RANBP2: variants seen among roughly 807,000 people sequenced by gnomAD.
The protein encoded by RANBP2 is E3 SUMO-protein ligase RanBP2.
RANBP2 carries 57 observed loss-of-function variants against 303.6 expected under a neutral mutation model. The ratio of observed to expected loss-of-function variants is 0.19; its 90% CI spans 0.15 to 0.23. The LOEUF is 0.23. Among genes scored for constraint, RANBP2 ranks in the 10% least tolerant of loss-of-function variants. The probability of loss-of-function intolerance (pLI) is 1.00; values close to 1 mark genes in which losing one functional copy is unlikely to be tolerated. For missense variants in RANBP2, 3,138 were observed against 3,780.8 expected (o/e 0.83, Z 4.46); for synonymous variants, 1,167 against 1,301.5 (o/e 0.90, Z 2.23).
At chr2:109,473,759 C>T in the RANBP2 span, among the ~76,000 whole-genome samples, 1 of 149,310 alleles carries the variant, frequency 6.7e-6, no homozygotes, top group Non-Finnish European at 1.5e-5. Flanking sequence ...AGGCTACCTC[C>T]TCCCCTGTAA....
the RANBP2 span, among the ~76,000 whole-genome samples, chr2:109,194,707 C>G: frequency 1.3e-5 from 2 of 152,160 alleles, no homozygotes; most frequent in Non-Finnish European, 2.9e-5. Context: ...GAGCTTCATT[C>G]CCTCCACCCT....
the RANBP2 span, among the ~76,000 whole-genome samples, chr2:109,099,235 G>A: frequency 2.6e-5 from 4 of 152,140 alleles, no homozygotes; most frequent in African/African-American, 7.2e-5. Flanking sequence ...CACTTTGGGC[G>A]GAGACTTAAC....
At chr2:108,975,854 A>G in the RANBP2 span, among the ~76,000 whole-genome samples, 1 of 152,074 alleles carries the variant, frequency 6.6e-6, no homozygotes, top group African/African-American at 2.4e-5. Flanking sequence ...CAACTGCTGG[A>G]CGGCGTTCTG....
the RANBP2 span, chr2:109,347,758 A>G: frequency 1.9e-6 from 3 of 1,613,998 alleles, no homozygotes; most frequent in Admixed American, 1.7e-5. Context: ...CAAGGGGGAC[A>G]TCATCGTCCT....
the RANBP2 span, among the ~76,000 whole-genome samples, chr2:109,763,580 G>T: frequency 6.7e-6 from 1 of 149,858 alleles, no homozygotes; most frequent in South Asian, 2.2e-4. Context: ...AAGAGAGAGA[G>T]CCCTAAATGG....
chr2:109,013,012 C>G, the RANBP2 span, among the ~76,000 whole-genome samples: 1 of 152,186 alleles, frequency 6.6e-6, no homozygotes, highest in South Asian at 2.1e-4. Context: ...TTTAAAGGGC[C>G]GAGTAGGGCG....
chr2:108,837,334 C>A, the RANBP2 span, among the ~76,000 whole-genome samples: 1 of 152,104 alleles, frequency 6.6e-6, no homozygotes. Flanking sequence ...TGGTATATTA[C>A]ACCAGTTTTT....
chr2:109,545,969 G>T, the RANBP2 span: 66 of 1,493,680 alleles, frequency 4.4e-5, no homozygotes, highest in Non-Finnish European at 5.9e-5. Flanking sequence ...GGAAGCAGAA[G>T]TAAGAAGCGC....
chr2:109,103,255 A>C, the RANBP2 span, among the ~76,000 whole-genome samples: 1 of 152,212 alleles, frequency 6.6e-6, no homozygotes, highest in African/African-American at 2.4e-5. Context: ...GAACTCTGTA[A>C]AATATTTAAG....
the RANBP2 span, among the ~76,000 whole-genome samples, chr2:109,015,692 A>T: frequency 6.6e-6 from 1 of 152,130 alleles, no homozygotes; most frequent in Non-Finnish European, 1.5e-5. Context: ...CAGGAGGTGG[A>T]GGTTGCAGTG....
chr2:109,726,163 C>T, the RANBP2 span, among the ~76,000 whole-genome samples: 1 of 151,144 alleles, frequency 6.6e-6, no homozygotes, highest in Non-Finnish European at 1.5e-5. Context: ...AATCCCAGCA[C>T]TTTGGGAGGC....
chr2:109,216,794 C>T, the RANBP2 span, among the ~76,000 whole-genome samples: 3 of 152,316 alleles, frequency 2.0e-5, no homozygotes, highest in East Asian at 3.9e-4. Context: ...ATATACATAA[C>T]ATAAAAATTT....
the RANBP2 span, among the ~76,000 whole-genome samples, chr2:109,636,712 C>T: frequency 3.9e-5 from 6 of 151,994 alleles, no homozygotes; most frequent in Middle Eastern, 3.2e-3. Flanking sequence ...CTGAGGTGGG[C>T]GGATCTCCAG....
the RANBP2 span, among the ~76,000 whole-genome samples, chr2:109,233,384 C>T: frequency 5.3e-5 from 8 of 152,192 alleles, no homozygotes; most frequent in Admixed American, 5.2e-4. Context: ...AGCTGAACTC[C>T]TCTCTGACCA....
the RANBP2 span, among the ~76,000 whole-genome samples, chr2:109,161,434 C>G: frequency 1.3e-5 from 2 of 152,068 alleles, no homozygotes; most frequent in African/African-American, 4.8e-5. Context: ...GTGATGCTTC[C>G]TGATGGTCTG....
At chr2:108,729,283 T>A (rs540640574) in intron 2 of RANBP2, 84 bp downstream of exon 2, 3 of 1,349,888 alleles carry the variant, frequency 2.2e-6, no homozygotes, top group Admixed American at 2.5e-5. Flanking sequence ...AAAAATATGT[T>A]CTTAGTAGTT....
the RANBP2 span, chr2:109,449,579 T>C: frequency 2.7e-6 from 4 of 1,469,382 alleles, no homozygotes; most frequent in Non-Finnish European, 3.6e-6. Flanking sequence ...ATTTGTGCAA[T>C]TGAAGCTAGA....
chr2:108,786,727 G>GT, downstream of RANBP2: 1 of 1,168,074 alleles, frequency 8.6e-7, no homozygotes, highest in Non-Finnish European at 1.2e-6. Flanking sequence ...GCCTCGGGGG[G>GT]GCGGGGTCTG....
the RANBP2 span, among the ~76,000 whole-genome samples, chr2:109,106,652 C>T: frequency 5.3e-5 from 8 of 151,982 alleles, no homozygotes; most frequent in African/African-American, 1.7e-4. Context: ...CTGGCTGACA[C>T]GGTGAAACCC....
Sources: gnomAD v4.1 joint callset for allele counts (sites outside exome capture counted in the v4.1 genomes callset) on GRCh38, gnomAD v4.1.1 for gene constraint, MANE v1.5 for transcripts, NCBI Gene and HGNC (gene_info 2026-07-23, HGNC 2026-07-21) for gene names.